The following PXDN variants were observed in gnomAD, a reference collection of about 807,000 sequenced individuals.
PXDN encodes peroxidasin homolog.
In PXDN, 77 loss-of-function variants were observed where a neutral mutation model predicts 140.3. The observed-to-expected ratio is 0.55, with a 90% CI of 0.46 to 0.66. PXDN has a LOEUF of 0.66. Among genes scored for constraint, PXDN ranks in the 30% least tolerant of loss-of-function variants. The pLI is 0.00. For missense variants in PXDN, 1,838 were observed against 2,039.5 expected (o/e 0.90, Z 1.90); for synonymous variants, 911 against 857.4 (o/e 1.06, Z -1.09).
At position 1,662,134 on chromosome 2, in the gene PXDN, C is replaced by T. The variant is rs202150020; in HGVS notation, c.1618G>A (p.Ala540Thr). The T allele has an allele frequency of 1.2e-5, 19 of 1,596,324 alleles. No individual in the cohort carries two copies. Among genetic ancestry groups the T allele is most frequent in the South Asian group, 1.0e-4 (9 of 87,692 alleles). The change falls in exon 13 of 23, where the codon GCC (alanine) becomes ACC (threonine). Residue 540 changes from alanine (A) to threonine (T), a missense_variant. By Grantham distance (58) the Ala-to-Thr change is moderately conservative. This residue lies in a region of PXDN where 537 missense variants were observed against 583.9 expected (regional missense o/e 0.92). Coordinates refer to ENST00000252804, the MANE Select transcript of PXDN (RefSeq NM_012293.3). ...GAGCTGCACGGGAGCTGCACATTGG[C>T]GCCCACCTCCACTGTTGTGTCGCTG... ...IPSDTTVEVG[A>T]NVQLPCSSQG...
chr2:1,681,862 C>T (rs62116599), intron 6 of PXDN, among the ~76,000 whole-genome samples: 1,902 of 152,310 alleles, frequency 0.012, 17 homozygotes, highest in Middle Eastern at 0.027. Context: ...GCTCAGGGCA[C>T]CCAAGGAAGC....
At chr2:1,720,682 T>G (rs1261276236) in intron 1 of PXDN, among the ~76,000 whole-genome samples, 1 of 131,460 alleles carries the variant, frequency 7.6e-6, no homozygotes, top group Non-Finnish European at 1.6e-5. Context: ...TCTCTGCATC[T>G]CTTTCTCTCT....
chr2:1,690,054 G>C (rs896775023), intron 3 of PXDN, among the ~76,000 whole-genome samples: 11 of 152,172 alleles, frequency 7.2e-5, no homozygotes, highest in African/African-American at 2.4e-4. Flanking sequence ...TAAGCATATA[G>C]GTTGTACACA....
At chr2:1,737,501 T>C (rs1454926775) in intron 1 of PXDN, among the ~76,000 whole-genome samples, 1 of 152,018 alleles carries the variant, frequency 6.6e-6, no homozygotes, top group East Asian at 1.9e-4. Context: ...GCCTTTTGGA[T>C]CTGAAGAGAA....
rs6729142 is a variant in PXDN at position 1,638,765 on chromosome 2, T to C, written c.4206+81A>G. ...GTTGAACAGTTGCCTGGGAATAAAA[T>C]GCTATACCCAGAAGGTTCGGGCAGG... On this transcript the variant is annotated intron_variant, in intron 21 of 22. Coordinates refer to ENST00000252804, the MANE Select transcript of PXDN (RefSeq NM_012293.3). 0.9 allele frequency: 1,432,707 copies of C among 1,586,980 alleles called. 648,973 individuals are homozygous for C. Among genetic ancestry groups the C allele is most frequent in the East Asian group, 0.98 (43,679 of 44,586 alleles).
At chr2:1,736,995 A>G (rs1032258462) in intron 1 of PXDN, among the ~76,000 whole-genome samples, 1 of 152,204 alleles carries the variant, frequency 6.6e-6, no homozygotes, top group Non-Finnish European at 1.5e-5. Flanking sequence ...AGGGCTCAGC[A>G]TACAACAGCC....
chr2:1,671,411 T>C (rs1305193818), intron 9 of PXDN, among the ~76,000 whole-genome samples: 2 of 152,192 alleles, frequency 1.3e-5, no homozygotes, highest in African/African-American at 4.8e-5. Context: ...TTAGGATTTT[T>C]TTTTTAAATT....
chr2:1,654,276 T>G (rs1020837614), intron 15 of PXDN, 124 bp downstream of exon 15: 25 of 649,674 alleles, frequency 3.8e-5, no homozygotes. Context: ...AAATTAAACA[T>G]TTTGATCATC....
rs748219403 is a variant in PXDN at position 1,648,880 on chromosome 2, G to A, written c.2900C>T (p.Pro967Leu). The A allele has an allele frequency of 6.2e-7, 1 of 1,602,132 alleles. No individual in the cohort carries two copies. Among genetic ancestry groups the A allele is most frequent in the Non-Finnish European group, 8.5e-7 (1 of 1,177,294 alleles). Reference protein sequence around the residue: ...TECMRDENESPIPCFLAGDHR... With the variant: ...TECMRDENESLIPCFLAGDHR... ...GTCCCCGGCCAGGAAGCAGGGGATG[G>A]GGCTCTCGTTCTCGTCCCGCATGCA... is the stretch of plus-strand genomic sequence containing the variant. Residue 967 changes from proline to leucine, a missense_variant, in exon 17 of 23, where the codon CCC (proline) becomes CTC (leucine). Transcript: ENST00000252804. The surrounding 1 kb of genome is among the most constrained non-coding windows in gnomAD (Gnocchi z 8.9).
Position 1,693,071 on chromosome 2 carries a change from C to G in PXDN, c.264G>C (p.Leu88Phe). 6.4e-7 allele frequency: 1 copy of G among 1,551,040 alleles called. No individual in the cohort carries two copies. Among genetic ancestry groups the G allele is most frequent in the Non-Finnish European group, 8.7e-7 (1 of 1,143,380 alleles). ...QPGAFRRLRNLNTLLLNNNQI... is the reference protein window; with the variant it reads ...QPGAFRRLRNFNTLLLNNNQI... ...AGAATATTTCCACTCACAATGTGTTCAAGTTCCTCAGCCGCCTGAATGCCC... is the reference window on the plus strand; with the variant it reads ...AGAATATTTCCACTCACAATGTGTTGAAGTTCCTCAGCCGCCTGAATGCCC... Residue 88 changes from leucine to phenylalanine, a missense_variant, in exon 2 of 23, where the codon TTG (leucine) becomes TTC (phenylalanine). By Grantham distance (22) the Leu-to-Phe change is conservative. Around this residue, in one of 5 missense-constraint regions of PXDN, gnomAD observed 231 missense variants for 201.5 expected, o/e 1.15. Coordinates refer to ENST00000252804, the MANE Select transcript of PXDN (RefSeq NM_012293.3).
rs140134102 is a variant in PXDN at position 1,744,345 on chromosome 2, C to G, written c.111G>C (p.Pro37=). 30,590 of 1,527,686 alleles carry G rather than the reference C, an allele frequency of 0.02. 386 individuals carry two copies. The highest frequency in any genetic ancestry group is 0.025 in the South Asian group (2,096 of 83,160). The allele number at this position is 1,527,686 out of a possible 1,614,324, so 94.6% of individuals were successfully genotyped here. Residue 37 remains proline, a synonymous_variant, in exon 1 of 23, where the codon CCG becomes CCC. Coordinates refer to ENST00000252804, the MANE Select transcript of PXDN (RefSeq NM_012293.3). ...TGGTGCGGAAGCACAGGCAGCGGCT[C>G]GGACACCCTGCGCCCGGCTTCTGGG... ...VVAQKPGAGC[P]SRCLCFRTTV...
chr2:1,694,932 C>A (rs551008521), intron 1 of PXDN, among the ~76,000 whole-genome samples: 1 of 152,330 alleles, frequency 6.6e-6, no homozygotes, highest in African/African-American at 2.4e-5. Context: ...TGAGGGGCTT[C>A]CCAGCATTTG....
intron 1 of PXDN, among the ~76,000 whole-genome samples, chr2:1,736,476 A>G (rs1239146746): frequency 6.6e-6 from 1 of 152,150 alleles, no homozygotes; most frequent in Non-Finnish European, 1.5e-5. Context: ...GTAGTCTTAC[A>G]TGGGTGTGGT....
chr2:1,712,958 C>T (rs1029090214), intron 1 of PXDN, among the ~76,000 whole-genome samples: 2 of 152,330 alleles, frequency 1.3e-5, no homozygotes, highest in South Asian at 2.1e-4. Context: ...CTCCTGATCT[C>T]GGGTGATCCA....
At position 1,665,066 on chromosome 2, in the gene PXDN, G is replaced by C; in HGVS notation, c.1300C>G (p.Gln434Glu). The stretch of plus-strand genomic sequence containing the variant: ...CTGTCCTGAGGCGTCACAGTGAACT[G>C]AGGAAGAGCTTCCGGAGAGAAAGCA... ...TAFIIVQALPQFTVTPQDRVV... is the reference protein window; with the variant it reads ...TAFIIVQALPEFTVTPQDRVV... Residue 434 changes from glutamine (Q) to glutamate (E), a missense_variant, in exon 11 of 23, where the codon CAG becomes GAG. Around this residue, in one of 5 missense-constraint regions of PXDN, gnomAD observed 537 missense variants for 583.9 expected, o/e 0.92. Transcript: ENST00000252804. The C allele has an allele frequency of 6.2e-7, 1 of 1,600,838 alleles. No individual in the cohort carries two copies. The highest frequency in any genetic ancestry group is 8.5e-7 in the Non-Finnish European group (1 of 1,170,760).
At chr2:1,725,513 A>T (rs1001249742) in intron 1 of PXDN, among the ~76,000 whole-genome samples, 3 of 152,030 alleles carry the variant, frequency 2.0e-5, no homozygotes, top group Non-Finnish European at 4.4e-5. Flanking sequence ...GGACATAGGC[A>T]TGGGCAAGGA....
chr2:1,676,325 T>C (rs1683709466), intron 8 of PXDN: 1 of 153,600 alleles, frequency 6.5e-6, no homozygotes, highest in Non-Finnish European at 1.4e-5. Context: ...GCGGTAGGAC[T>C]TCCCTCCGTC....
At position 1,714,315 on chromosome 2, in the gene PXDN, C is replaced by T. The variant is rs80101674; in HGVS notation, c.201-21181G>A. 4.9e-3 allele frequency among the ~76,000 whole-genome samples: 745 copies of T among 152,314 alleles called. 4 individuals are homozygous for T. Among genetic ancestry groups the T allele is most frequent in the African/African-American group, 0.017 (709 of 41,580 alleles). ...CCCAGGAGCCACTCTTGGGAAGGTT[C>T]CCCTGTCCCCCGATGGTCCGGCACC... On this transcript the variant is annotated intron_variant, in intron 1 of 22. Coordinates refer to ENST00000252804, the MANE Select transcript of PXDN (RefSeq NM_012293.3). The surrounding 1 kb of genome is among the most constrained non-coding windows in gnomAD (Gnocchi z 4.3).
intron 1 of PXDN, among the ~76,000 whole-genome samples, chr2:1,741,868 G>A (rs1047333357): frequency 2.0e-5 from 3 of 152,180 alleles, no homozygotes; most frequent in Non-Finnish European, 4.4e-5. Context: ...CGTGTAGCAT[G>A]TATCATGTAG....
Sources: gnomAD v4.1 joint callset for allele counts (sites outside exome capture counted in the v4.1 genomes callset) on GRCh38, gnomAD v4.1.1 for gene constraint, gnomAD v4.1.1 regional missense constraint, Gnocchi (gnomAD v3.1) non-coding constraint, MANE v1.5 for transcripts, NCBI Gene and HGNC (gene_info 2026-07-23, HGNC 2026-07-21) for gene names.